Variants in ZNF8 observed in about 807,000 individuals in gnomAD.
ZNF8 encodes zinc finger protein 272.
In ZNF8, 9 loss-of-function variants were observed where a neutral mutation model predicts 12.2. The ratio of observed to expected loss-of-function variants is 0.73; its 90% CI spans 0.44 to 1.28. The LOEUF (loss-of-function observed/expected upper bound fraction) is 1.28. ZNF8 is among the 50% of genes most tolerant of loss of function. The pLI is 0.00. For missense variants in ZNF8, 664 were observed against 729.1 expected (o/e 0.91, Z 1.03); for synonymous variants, 274 against 282.3 (o/e 0.97, Z 0.30).
At chr19:58,292,988 G>A (rs1299609131) in intron 3 of ZNF8, among the ~76,000 whole-genome samples, 4 of 150,848 alleles carry the variant, frequency 2.7e-5, no homozygotes, top group East Asian at 1.9e-4. Flanking sequence ...CTGCTTGGTC[G>A]CCGAGGCGGG....
chr19:58,295,618 G>A lies in ZNF8; in HGVS notation c.*82G>A, dbSNP rs547519091. 218 of 1,207,068 alleles carry A rather than the reference G, an allele frequency of 1.8e-4. No homozygotes were observed. In the African/African-American group the frequency reaches 3.0e-3, roughly 17 times the overall value. 74.8% of individuals were successfully genotyped at this position (1,207,068 alleles called of 1,614,324 possible). A position where few individuals can be genotyped will look rare whatever the true frequency, so the allele number is the denominator to read the frequency against. On this transcript the variant is annotated 3_prime_UTR_variant, in exon 4 of 4. Transcript: ENST00000621650. The stretch of plus-strand genomic sequence containing the variant: ...TAGTGTACTCATGGAAGGAGGGGCT[G>A]GGGGTAGAAATGTCATGGGTGACTT...
intron 3 of ZNF8, among the ~76,000 whole-genome samples, chr19:58,288,704 T>C (rs926813387): frequency 3.3e-5 from 5 of 152,132 alleles, no homozygotes; most frequent in Admixed American, 3.3e-4. Context: ...CAACCAGCAA[T>C]GCCTGCAGAT....
At position 58,294,131 on chromosome 19, in the gene ZNF8, G is replaced by A. The variant is rs777594663; in HGVS notation, c.323G>A (p.Arg108His). The A allele has an allele frequency of 1.7e-5, 27 of 1,606,232 alleles. No individual in the cohort carries two copies. The highest frequency in any genetic ancestry group is 7.7e-5 in the South Asian group (7 of 90,918). The change falls in exon 4 of 4, where the codon CGC (arginine) becomes CAC (histidine). Residue 108 changes from arginine to histidine, a missense_variant. Physicochemically the swap from Arg to His is conservative, Grantham distance 29 (BLOSUM62 0). Around this residue, in one of 3 missense-constraint regions of ZNF8, gnomAD observed 306 missense variants for 308.7 expected, o/e 0.99. Transcript: ENST00000621650. The surrounding 1 kb of genome is among the most constrained non-coding windows in gnomAD (Gnocchi z 5.5). ...WEPRSESQASRKEEGLPEEEP... is the reference protein window; with the variant it reads ...WEPRSESQASHKEEGLPEEEP... ...CCTCGATCTGAAAGCCAAGCATCAC[G>A]CAAGGAAGAGGGCCTGCCTGAAGAG...
chr19:58,290,720 C>T (rs1347304602), intron 3 of ZNF8, among the ~76,000 whole-genome samples: 1 of 151,880 alleles, frequency 6.6e-6, no homozygotes, highest in African/African-American at 2.4e-5. Flanking sequence ...CAATTTGCAC[C>T]ACTGCACTCC....
Position 58,286,184 on chromosome 19 carries a change from A to G in ZNF8, c.268A>G (p.Thr90Ala). 6.2e-7 allele frequency: 1 copy of G among 1,610,078 alleles called. No homozygotes were observed. The highest frequency in any genetic ancestry group is 1.1e-5 in the South Asian group (1 of 90,836). The change falls in exon 3 of 4, where the codon ACC becomes GCC. Residue 90 changes from threonine to alanine, a missense_variant. Around this residue, in one of 3 missense-constraint regions of ZNF8, gnomAD observed 306 missense variants for 308.7 expected, o/e 0.99. Coordinates refer to ENST00000621650, the MANE Select transcript of ZNF8 (RefSeq NM_021089.3). ...CGAGCTATGGGTGGCTGAGAGAGGA[A>G]CCACCCAGGGCTGCCATCCAGGTGA... is the stretch of plus-strand genomic sequence containing the variant. ...GTELWVAERG[T>A]TQGCHPAWEP...
rs1568527575 is a variant in ZNF8 at position 58,294,950 on chromosome 19, C to T, written c.1142C>T (p.Thr381Ile). Residue 381 changes from threonine to isoleucine, a missense_variant, in exon 4 of 4, where the codon ACC becomes ATC. By Grantham distance (89) the Thr-to-Ile change is moderately conservative (BLOSUM62 -1). Coordinates refer to ENST00000621650, the MANE Select transcript of ZNF8 (RefSeq NM_021089.3). The surrounding 1 kb of genome is among the most constrained non-coding windows in gnomAD (Gnocchi z 5.5). The part of the protein sequence containing the change: ...CSVCGKSFSR[T>I]TCLFLHLRTH... ...GTGTGTGGGAAATCCTTCTCTCGGA[C>T]CACTTGCCTTTTCCTGCACCTGAGA... is the stretch of plus-strand genomic sequence containing the variant. 7.4e-6 allele frequency: 12 copies of T among 1,614,148 alleles called. No homozygotes were observed. Among genetic ancestry groups the T allele is most frequent in the Non-Finnish European group, 1.0e-5 (12 of 1,180,012 alleles).
chr19:58,284,834 G>C (rs1195116545), intron 1 of ZNF8, among the ~76,000 whole-genome samples: 2 of 152,196 alleles, frequency 1.3e-5, no homozygotes, highest in Non-Finnish European at 2.9e-5. Flanking sequence ...GGGTGACAGA[G>C]CAAGACTCTA....
At position 58,302,098 on chromosome 19, in the gene ZNF8, G is replaced by A. The variant is rs1443011037; in HGVS notation, c.*6562G>A. 1 of 152,056 alleles carries A rather than the reference G, an allele frequency of 6.6e-6. No homozygotes were observed. Among genetic ancestry groups the A allele is most frequent in the Non-Finnish European group, 1.5e-5 (1 of 68,012 alleles). The allele number at this position is 152,056 out of a possible 1,614,324, so 9.4% of individuals were successfully genotyped here. On this transcript the variant is annotated 3_prime_UTR_variant, in exon 4 of 4. Transcript: ENST00000621650. ...GGGACCAGAAGTGTTTCAGATCTTT[G>A]CATATTTTCTGTTTCTCATTTCAGT...
At chr19:58,289,606 C>T (rs972636161) in intron 3 of ZNF8, among the ~76,000 whole-genome samples, 1 of 151,906 alleles carries the variant, frequency 6.6e-6, no homozygotes, top group Non-Finnish European at 1.5e-5. Flanking sequence ...AGAGAGAATG[C>T]ATTTCTGTCT....
chr19:58,294,785 C>T lies in ZNF8; in HGVS notation c.977C>T (p.Thr326Ile), dbSNP rs1411967385. ...AECGKSFCHS[T>I]HLTVHRRIHT... ...TGTGGGAAGTCTTTCTGCCATAGTA[C>T]ACACCTTACCGTCCATCGGAGGATT... The change falls in exon 4 of 4, where the codon ACA becomes ATA. Residue 326 changes from threonine (T) to isoleucine (I), a missense_variant. This residue lies in a region of ZNF8 where 133 missense variants were observed against 198.4 expected (regional missense o/e 0.67). Transcript: ENST00000621650. This position sits in a 1 kb window ranked among gnomAD's most constrained non-coding sequence, Gnocchi z 5.5. The T allele has an allele frequency of 1.9e-6, 3 of 1,614,186 alleles. No homozygotes were observed. Among genetic ancestry groups the T allele is most frequent in the Non-Finnish European group, 2.5e-6 (3 of 1,180,034 alleles).
chr19:58,288,893 G>A lies in ZNF8; in HGVS notation c.289+2688G>A, dbSNP rs758483338. Among the ~76,000 whole-genome samples the A allele has an allele frequency of 8.6e-5, 13 of 152,018 alleles. No homozygotes were observed. In the East Asian group the frequency reaches 1.7e-3, roughly 20 times the overall value. ...TGCTGTTACTTCAGACATGTATGTC[G>A]GAAGCAAATTCTCATCACCCTGGAC... On this transcript the variant is annotated intron_variant, in intron 3 of 3. Transcript: ENST00000621650.
Position 58,302,124 on chromosome 19 carries a change from TCA to T in ZNF8, c.*6591_*6592del, listed in dbSNP as rs1436310778. Reference sequence around the variant, plus strand: ...CATATTTTCTGTTTCTCATTTCAGTTCACATTTTCTAAGCATGATATTCCTAC... The same window carrying T: ...CATATTTTCTGTTTCTCATTTCAGTTCATTTTCTAAGCATGATATTCCTAC... On this transcript the variant is annotated 3_prime_UTR_variant, in exon 4 of 4. Transcript: ENST00000621650. 1.3e-5 allele frequency: 2 copies of T among 152,164 alleles called. No homozygotes were observed. Among genetic ancestry groups the T allele is most frequent in the African/African-American group, 4.8e-5 (2 of 41,440 alleles). The allele number at this position is 152,164 out of a possible 1,614,324, so 9.4% of individuals were successfully genotyped here. A position where few individuals can be genotyped will look rare whatever the true frequency, so the allele number is the denominator to read the frequency against.
chr19:58,279,243 C>T (rs1600449506), intron 1 of ZNF8, 96 bp downstream of exon 1: 5 of 1,534,404 alleles, frequency 3.3e-6, no homozygotes. Context: ...AGAGCGGCAC[C>T]GCTGTTAATG....
intron 1 of ZNF8, among the ~76,000 whole-genome samples, chr19:58,283,798 A>G (rs1311527475): frequency 6.6e-6 from 1 of 151,324 alleles, no homozygotes. Context: ...ACAGGGTTTC[A>G]TCGTGTTAGC....
rs556270222 is a variant in ZNF8, at chr19:58,283,027, G to C, written c.67-2690G>C. Among the ~76,000 whole-genome samples the C allele has an allele frequency of 2.1e-4, 32 of 151,236 alleles. No individual in the cohort carries two copies. The South Asian group carries it at 6.7e-3, about 31-fold the overall frequency. On this transcript the variant is annotated intron_variant, in intron 1 of 3. Transcript: ENST00000621650. ...GATGTCACTCTGGTTGCTTAGGCTG[G>C]AGTGCGGTGGCATGATCTTGGCTTG... is the stretch of plus-strand genomic sequence containing the variant.
intron 3 of ZNF8, among the ~76,000 whole-genome samples, chr19:58,289,833 T>C (rs1437373483): frequency 6.6e-6 from 1 of 151,788 alleles, no homozygotes; most frequent in Non-Finnish European, 1.5e-5. Context: ...AGTCTCGCTC[T>C]GTCACAAGGC....
intron 3 of ZNF8, among the ~76,000 whole-genome samples, chr19:58,290,647 C>G (rs542641293): frequency 1.3e-5 from 2 of 152,172 alleles, no homozygotes; most frequent in East Asian, 3.9e-4. Context: ...GTAGTCCTAG[C>G]TACTTAGGAG....
Position 58,294,044 on chromosome 19 carries a change from C to G in ZNF8, c.290-54C>G, listed in dbSNP as rs1043014866. On this transcript the variant is annotated intron_variant, in intron 3 of 3. Coordinates refer to ENST00000621650, the MANE Select transcript of ZNF8 (RefSeq NM_021089.3). This position sits in a 1 kb window ranked among gnomAD's most constrained non-coding sequence, Gnocchi z 5.5. ...CAGGCCTATGGTGTTGGAGGCCTGT[C>G]CCCCTTCCGTTTTTTTCTCCCAACA... 28 of 1,511,070 alleles carry G rather than the reference C, an allele frequency of 1.9e-5. No individual in the cohort carries two copies. The African/African-American group carries it at 3.7e-4, about 20-fold the overall frequency. The allele number at this position is 1,511,070 out of a possible 1,614,324, so 93.6% of individuals were successfully genotyped here. A position where few individuals can be genotyped will look rare whatever the true frequency, so the allele number is the denominator to read the frequency against.
At chr19:58,282,848 G>T (rs1380090467) in intron 1 of ZNF8, among the ~76,000 whole-genome samples, 1 of 152,038 alleles carries the variant, frequency 6.6e-6, no homozygotes, top group Non-Finnish European at 1.5e-5. Flanking sequence ...GGCTAGTCAC[G>T]AACTCCTGAG....
Sources: gnomAD v4.1 joint callset for allele counts (sites outside exome capture counted in the v4.1 genomes callset) on GRCh38, gnomAD v4.1.1 for gene constraint, gnomAD v4.1.1 regional missense constraint, Gnocchi (gnomAD v3.1) non-coding constraint, MANE v1.5 for transcripts, NCBI Gene and HGNC (gene_info 2026-07-23, HGNC 2026-07-21) for gene names.